PSMC2: variants seen among roughly 807,000 people sequenced by gnomAD.
PSMC2 encodes the protein 26S proteasome regulatory subunit 7.
In PSMC2, 7 loss-of-function variants were observed where a neutral mutation model predicts 53.3. That is an observed-to-expected ratio of 0.13 (90% CI 0.07 to 0.25). PSMC2 has a LOEUF of 0.25. Ranked by LOEUF, PSMC2 falls within the 10% of genes least tolerant of loss-of-function variation. PSMC2 has a pLI of 1.00. For synonymous variants in PSMC2, 169 were observed against 183.9 expected (o/e 0.92, Z 0.66); for missense variants, 241 against 544.0 (o/e 0.44, Z 5.54).
intron 4 of PSMC2, among the ~76,000 whole-genome samples, chr7:103,359,594 C>T (rs1453423522): frequency 1.3e-5 from 2 of 152,114 alleles, no homozygotes; most frequent in Non-Finnish European, 2.9e-5. Flanking sequence ...TAGTACATGG[C>T]TTCCTTCACT....
intron 4 of PSMC2, among the ~76,000 whole-genome samples, chr7:103,359,480 A>G (rs1431662470): frequency 6.6e-6 from 1 of 152,148 alleles, no homozygotes; most frequent in African/African-American, 2.4e-5. Flanking sequence ...AATACCCATT[A>G]GCAGTCTTCA....
chr7:103,363,222 A>C, intron 6 of PSMC2, 122 bp from the exon 7 acceptor site: 1 of 745,360 alleles, frequency 1.3e-6, no homozygotes, highest in Non-Finnish European at 2.2e-6. Flanking sequence ...CAATGTATTC[A>C]ATTTTTATTA....
chr7:103,364,430 A>G, intron 8 of PSMC2, 123 bp downstream of exon 8: 1 of 1,104,888 alleles, frequency 9.1e-7, no homozygotes, highest in Non-Finnish European at 1.3e-6. Flanking sequence ...TTTTGTTGAG[A>G]CAGAGTCTCA....
In PSMC2 at chr7:103,362,388, G is replaced by A. The variant is rs1353393058; in HGVS notation, c.423-298G>A. On this transcript the variant is annotated intron_variant, in intron 5 of 11. Coordinates refer to ENST00000292644, the MANE Select transcript of PSMC2 (RefSeq NM_002803.4). ...TTGGGGGAGTACTTGCTTTAGGATA[G>A]TTGTGATGCTAAGTGTGTTAATGTC... 2.2e-6 allele frequency: 3 copies of A among 1,336,310 alleles called. No individual in the cohort carries two copies. In the African/African-American group the frequency reaches 4.5e-5, roughly 20 times the overall value. 82.8% of individuals were successfully genotyped at this position (1,336,310 alleles called of 1,614,324 possible). A position where few individuals can be genotyped will look rare whatever the true frequency, so the allele number is the denominator to read the frequency against.
chr7:103,354,898 C>G lies in PSMC2; in HGVS notation c.139C>G (p.Gln47Glu). ...GQSTYSRQIK[Q>E]VEDDIQQLLK... Reference sequence around the variant, plus strand: ...GAGCACTTACTCTAGGCAGATCAAGCAAGTTGAAGATGACATTCAGCAACT... The same window carrying G: ...GAGCACTTACTCTAGGCAGATCAAGGAAGTTGAAGATGACATTCAGCAACT... Residue 47 changes from glutamine to glutamate, a missense_variant, in exon 3 of 12, where the codon CAA (glutamine) becomes GAA (glutamate). Physicochemically the swap from Gln to Glu is conservative, Grantham distance 29. Transcript: ENST00000292644. 6.2e-7 allele frequency: 1 copy of G among 1,613,392 alleles called. No homozygotes were observed. Among genetic ancestry groups the G allele is most frequent in the Non-Finnish European group, 8.5e-7 (1 of 1,179,522 alleles).
chr7:103,364,876 A>G (rs1258780999), intron 8 of PSMC2, among the ~76,000 whole-genome samples: 1 of 151,164 alleles, frequency 6.6e-6, no homozygotes, highest in Non-Finnish European at 1.5e-5. Flanking sequence ...TTAATTAAAA[A>G]GTATACTTTT....
At chr7:103,362,927 G>A (rs1820497797) in intron 6 of PSMC2, among the ~76,000 whole-genome samples, 169 bp downstream of exon 6, 1 of 151,576 alleles carries the variant, frequency 6.6e-6, no homozygotes, top group Admixed American at 6.6e-5. Flanking sequence ...CCGAGTAGCT[G>A]GGATTACAGG....
chr7:103,353,263 T>C (rs1001527948), intron 1 of PSMC2, among the ~76,000 whole-genome samples: 1 of 152,234 alleles, frequency 6.6e-6, no homozygotes, highest in Non-Finnish European at 1.5e-5. Context: ...GATTGCTTTC[T>C]ATGTCTATGT....
In PSMC2 at chr7:103,362,769, A is replaced by G. The variant is rs1820482753; in HGVS notation, c.495+11A>G. On this transcript the variant is annotated intron_variant, in intron 6 of 11. Transcript: ENST00000292644. ...GTTACCATGATGCAGGTAAGAAACT[A>G]TGGGAGGGAAAAGGAAGGCTATGTC... 4 of 1,397,432 alleles carry G rather than the reference A, an allele frequency of 2.9e-6. No individual in the cohort carries two copies. Among genetic ancestry groups the G allele is most frequent in the East Asian group, 4.7e-5 (2 of 42,328 alleles). 86.6% of individuals were successfully genotyped at this position (1,397,432 alleles called of 1,614,324 possible). A position where few individuals can be genotyped will look rare whatever the true frequency, so the allele number is the denominator to read the frequency against.
intron 4 of PSMC2, among the ~76,000 whole-genome samples, chr7:103,360,457 C>A (rs1820315533): frequency 6.6e-6 from 1 of 152,074 alleles, no homozygotes; most frequent in Admixed American, 6.6e-5. Flanking sequence ...GCTATCAGGA[C>A]AAAGCATTCT....
In PSMC2 at chr7:103,367,378, A is replaced by G; in HGVS notation, c.845-35A>G. The stretch of plus-strand genomic sequence containing the variant: ...CATGCATAGTGCTACTCTTGAGTGG[A>G]CTTGAAGAGCTTATCTTTCCTTTTG... On this transcript the variant is annotated intron_variant, in intron 9 of 11. Coordinates refer to ENST00000292644, the MANE Select transcript of PSMC2 (RefSeq NM_002803.4). This position sits in a 1 kb window ranked among gnomAD's most constrained non-coding sequence, Gnocchi z 6.1. The G allele has an allele frequency of 6.2e-7, 1 of 1,605,124 alleles. No individual in the cohort carries two copies. The highest frequency in any genetic ancestry group is 8.5e-7 in the Non-Finnish European group (1 of 1,173,592).
intron 3 of PSMC2, 120 bp from the exon 4 acceptor site, chr7:103,355,574 A>T: frequency 2.8e-6 from 2 of 721,098 alleles, no homozygotes; most frequent in Non-Finnish European, 4.7e-6. Flanking sequence ...TCTATAATGC[A>T]CATGATAGTC....
intron 4 of PSMC2, among the ~76,000 whole-genome samples, chr7:103,357,793 G>A (rs1820123570): frequency 6.6e-6 from 1 of 152,032 alleles, no homozygotes; most frequent in Admixed American, 6.6e-5. Context: ...CTGGTTTTCT[G>A]TGCATATATT....
intron 2 of PSMC2, 50 bp downstream of exon 2, chr7:103,354,008 A>G (rs1339424620): frequency 1.4e-6 from 2 of 1,428,596 alleles, no homozygotes; most frequent in Admixed American, 2.2e-5. Context: ...GTTGAAATAA[A>G]AACTGTTTTG....
At chr7:103,348,315 C>G (rs761320257) in intron 1 of PSMC2, among the ~76,000 whole-genome samples, 1 of 152,186 alleles carries the variant, frequency 6.6e-6, no homozygotes, top group Non-Finnish European at 1.5e-5. Flanking sequence ...TTTTGCATAT[C>G]TTTTTAGACA....
At chr7:103,358,119 A>G (rs985559164) in intron 4 of PSMC2, among the ~76,000 whole-genome samples, 1 of 152,140 alleles carries the variant, frequency 6.6e-6, no homozygotes, top group Non-Finnish European at 1.5e-5. Flanking sequence ...GAGACTGCAT[A>G]TGTCTGAAAG....
At chr7:103,354,739 C>A in intron 2 of PSMC2, 129 bp from the exon 3 acceptor site, 3 of 600,986 alleles carry the variant, frequency 5.0e-6, no homozygotes, top group Non-Finnish European at 5.9e-6. Context: ...GTCAGGAATA[C>A]CTCTCTACTT....
At chr7:103,352,195 T>C (rs982433338) in intron 1 of PSMC2, among the ~76,000 whole-genome samples, 1 of 113,636 alleles carries the variant, frequency 8.8e-6, no homozygotes, top group Admixed American at 1.2e-4. Flanking sequence ...TGCTTTTTCC[T>C]ACCTCTACTC....
chr7:103,363,398 A>G lies in PSMC2; in HGVS notation c.550A>G (p.Ile184Val). ...YSDVGGCKEQ[I>V]EKLREVVETP... ...TGATGTTGGTGGCTGTAAGGAACAG[A>G]TTGAGAAACTGCGAGAAGTAGTTGA... Residue 184 changes from isoleucine to valine, a missense_variant, in exon 7 of 12, where the codon ATT becomes GTT. Ile to Val is a conservative substitution (Grantham distance 29, BLOSUM62 3). Transcript: ENST00000292644. 1 of 1,614,076 alleles carries G rather than the reference A, an allele frequency of 6.2e-7. No homozygotes were observed. The highest frequency in any genetic ancestry group is 1.1e-5 in the South Asian group (1 of 91,086).
Sources: gnomAD v4.1 joint callset for allele counts (sites outside exome capture counted in the v4.1 genomes callset) on GRCh38, gnomAD v4.1.1 for gene constraint, Gnocchi (gnomAD v3.1) non-coding constraint, MANE v1.5 for transcripts, NCBI Gene and HGNC (gene_info 2026-07-23, HGNC 2026-07-21) for gene names.